KAZN: variants seen among roughly 807,000 people sequenced by gnomAD.
KAZN encodes kazrin, periplakin interacting protein, also known as kazrin.
A neutral mutation model predicts 87.4 loss-of-function variants in KAZN; 40 were observed. The ratio of observed to expected loss-of-function variants is 0.46; its 90% CI spans 0.36 to 0.60. The LOEUF (loss-of-function observed/expected upper bound fraction) is 0.60. KAZN is among the 20% of genes least tolerant of loss of function. The pLI is 0.00. For synonymous variants in KAZN, 466 were observed against 458.3 expected (o/e 1.02, Z -0.22); for missense variants, 898 against 1,073.9 (o/e 0.84, Z 2.29).
At chr1:14,870,469 G>A (rs1652015368) in intron 1 of KAZN, among the ~76,000 whole-genome samples, 1 of 152,156 alleles carries the variant, frequency 6.6e-6, no homozygotes, top group South Asian at 2.1e-4. Flanking sequence ...CAGCCTCCAA[G>A]TAGCTGGGAT....
In KAZN at chr1:14,343,014, G is replaced by A. The variant is rs187876449; in HGVS notation, c.249+162422G>A. Among the ~76,000 whole-genome samples, 693 of 152,178 alleles carry A rather than the reference G, an allele frequency of 4.6e-3. 11 individuals carry two copies. The highest frequency in any genetic ancestry group is 0.016 in the African/African-American group (665 of 41,510). On this transcript the variant is annotated intron_variant, in intron 2 of 16. Transcript: ENST00000636203. ...AAATTAGCCTGGCGTGGTGGCAGGC[G>A]CCTGTAATCCCAGCTACTCAGGAGG...
intron 2 of KAZN, among the ~76,000 whole-genome samples, chr1:14,530,253 C>T (rs1259207356): frequency 1.3e-5 from 2 of 152,064 alleles, no homozygotes; most frequent in Non-Finnish European, 2.9e-5. Context: ...AACTTAACAC[C>T]CAAAGCAGAC....
chr1:14,484,402 T>G (rs1669241501), intron 2 of KAZN, among the ~76,000 whole-genome samples: 1 of 152,220 alleles, frequency 6.6e-6, no homozygotes, highest in South Asian at 2.1e-4. Context: ...TTATTTCAAT[T>G]TAGCCAGTCC....
At chr1:14,434,207 A>T (rs1300250560) in intron 2 of KAZN, among the ~76,000 whole-genome samples, 1 of 152,100 alleles carries the variant, frequency 6.6e-6, no homozygotes, top group East Asian at 1.9e-4. Flanking sequence ...GATTATTTCC[A>T]GTTTGGGGCT....
At chr1:13,938,506 G>A (rs911974333) in intron 1 of KAZN, among the ~76,000 whole-genome samples, 2 of 151,954 alleles carry the variant, frequency 1.3e-5, no homozygotes, top group Non-Finnish European at 2.9e-5. Flanking sequence ...CAATTTGGAT[G>A]CTTTTTATTT....
At chr1:14,848,779 G>A (rs565997012) in intron 1 of KAZN, among the ~76,000 whole-genome samples, 1 of 152,310 alleles carries the variant, frequency 6.6e-6, no homozygotes, top group South Asian at 2.1e-4. Flanking sequence ...ACTTCATCAA[G>A]GGCCATGAAG....
At chr1:13,893,588 G>T in exon 1 of KAZN, 1 of 1,518,288 alleles carries the variant, frequency 6.6e-7, no homozygotes, top group Non-Finnish European at 8.9e-7. Context: ...TCCTGGGCCA[G>T]CGACGGCATC....
intron 2 of KAZN, among the ~76,000 whole-genome samples, chr1:14,262,411 G>A (rs1167807794): frequency 6.6e-6 from 1 of 152,216 alleles, no homozygotes; most frequent in Admixed American, 6.5e-5. Flanking sequence ...TGCCAAAGCT[G>A]TAATTGCCAA....
chr1:14,296,490 G>A (rs946392184), intron 2 of KAZN, among the ~76,000 whole-genome samples: 1 of 152,088 alleles, frequency 6.6e-6, no homozygotes, highest in African/African-American at 2.4e-5. Context: ...GTTCCTGCCT[G>A]GTGCCTACCT....
At chr1:14,167,089 G>A (rs897296739) in intron 1 of KAZN, among the ~76,000 whole-genome samples, 3 of 152,210 alleles carry the variant, frequency 2.0e-5, no homozygotes, top group Non-Finnish European at 4.4e-5. Context: ...GAAAGGAAGG[G>A]GAACTGGACC....
At chr1:14,838,747 G>A (rs1395572073) in intron 1 of KAZN, among the ~76,000 whole-genome samples, 1 of 152,108 alleles carries the variant, frequency 6.6e-6, no homozygotes. Context: ...TCAGCCTCCT[G>A]AGTACCTGGA....
intron 1 of KAZN, among the ~76,000 whole-genome samples, chr1:14,075,976 G>A (rs1016364388): frequency 1.3e-4 from 20 of 152,102 alleles, no homozygotes; most frequent in African/African-American, 4.6e-4. Flanking sequence ...CATTAGGGTG[G>A]GATTTATACG....
At chr1:14,831,220 G>A (rs1008449744) in intron 1 of KAZN, among the ~76,000 whole-genome samples, 3 of 152,192 alleles carry the variant, frequency 2.0e-5, no homozygotes, top group African/African-American at 7.2e-5. Context: ...TTTGGCTTCA[G>A]GTACAGCTGG....
intron 2 of KAZN, among the ~76,000 whole-genome samples, chr1:14,427,731 G>A (rs937281890): frequency 6.6e-6 from 1 of 152,158 alleles, no homozygotes; most frequent in African/African-American, 2.4e-5. Context: ...TTGGGTGTGA[G>A]TTTGCCGCCC....
chr1:14,635,102 A>G (rs1376167098), intron 1 of KAZN, among the ~76,000 whole-genome samples: 1 of 152,204 alleles, frequency 6.6e-6, no homozygotes, highest in Non-Finnish European at 1.5e-5. Context: ...TTGAATGCCA[A>G]GTTGTTTGTA....
At chr1:14,756,799 AAAG>A (rs1371042050) in intron 1 of KAZN, among the ~76,000 whole-genome samples, 4 of 151,368 alleles carry the variant, frequency 2.6e-5, no homozygotes, top group East Asian at 3.9e-4. Context: ...GAGTTTGTTG[AAAG>A]AAGAACAATT....
chr1:14,286,143 G>A (rs1653235291), intron 2 of KAZN, among the ~76,000 whole-genome samples: 1 of 152,198 alleles, frequency 6.6e-6, no homozygotes, highest in Non-Finnish European at 1.5e-5. Flanking sequence ...TCATCTCACA[G>A]TTCTGGAGGC....
intron 2 of KAZN, among the ~76,000 whole-genome samples, chr1:14,570,864 A>G (rs1216744819): frequency 6.6e-6 from 1 of 152,166 alleles, no homozygotes; most frequent in Admixed American, 6.5e-5. Flanking sequence ...GGAAAGTTCT[A>G]GTTTCTTCAC....
rs147535965 is a variant in KAZN, at chr1:14,773,211, C to T, written c.226+173988C>T. ...TTCACAATTATCTTCAGGACAAAGA[C>T]GGCCCCAACACTTCCGGAAGAGATC... On this transcript the variant is annotated intron_variant, in intron 1 of 14. Coordinates refer to ENST00000376030, the MANE Select transcript of KAZN (RefSeq NM_201628.3). The surrounding 1 kb of genome is among the most constrained non-coding windows in gnomAD (Gnocchi z 5.9). 0.011 allele frequency among the ~76,000 whole-genome samples: 1,727 copies of T among 152,232 alleles called. 17 individuals are homozygous for T. Among genetic ancestry groups the T allele is most frequent in the Non-Finnish European group, 0.017 (1,127 of 68,016 alleles).
Sources: allele counts gnomAD v4.1 joint callset (sites outside exome capture counted in the v4.1 genomes callset), GRCh38; gene constraint gnomAD v4.1.1; non-coding constraint Gnocchi (gnomAD v3.1); transcripts MANE v1.5; gene names NCBI Gene and HGNC (gene_info 2026-07-23, HGNC 2026-07-21).